Variants in NCOR2 observed in about 807,000 individuals in gnomAD.
NCOR2 encodes nuclear receptor corepressor 2, also known as CTG repeat protein 26.
In NCOR2, 81 loss-of-function variants were observed where a neutral mutation model predicts 262.9. The observed-to-expected ratio is 0.31, with a 90% CI of 0.26 to 0.37. The LOEUF (loss-of-function observed/expected upper bound fraction) is 0.37, where lower values mean the gene tolerates loss of function less well. Ranked by LOEUF, NCOR2 falls within the 10% of genes least tolerant of loss-of-function variation. The pLI is 1.00. For synonymous variants in NCOR2, 1,659 were observed against 1,559.3 expected, an observed-to-expected ratio of 1.06 and a Z score of -1.51; for missense variants, 3,385 against 3,621.4, an observed-to-expected ratio of 0.93 and a Z score of 1.68.
chr12:124,437,872 G>A (rs2044453012), intron 8 of NCOR2, 58 bp downstream of exon 10: 4 of 1,525,744 alleles, frequency 2.6e-6, no homozygotes, highest in African/African-American at 1.4e-5. Context: ...GGCCCCCTGT[G>A]CGCTCGATTC....
At chr12:124,373,349 G>T (rs544287284) in intron 19 of NCOR2, among the ~76,000 whole-genome samples, 1 of 60,278 alleles carries the variant, frequency 1.7e-5, no homozygotes, top group African/African-American at 4.4e-5. Flanking sequence ...AGGGGCCCCG[G>T]GCACAGTGGA....
Position 124,419,939 on chromosome 12 carries a change from C to A in NCOR2, c.1482+18G>T. 6.2e-7 allele frequency: 1 copy of A among 1,608,854 alleles called. No individual in the cohort carries two copies. The highest frequency in any genetic ancestry group is 8.5e-7 in the Non-Finnish European group (1 of 1,175,502). The stretch of plus-strand genomic sequence containing the variant: ...GCAGGGAGCCTGCAAGGACAGTCAC[C>A]CCCACCTTGCCTCTTACCTGGCTCT... On this transcript the variant is annotated intron_variant, in intron 13 of 46. Coordinates refer to ENST00000405201, the Ensembl canonical transcript of NCOR2.
intron 7 of NCOR2, among the ~76,000 whole-genome samples, chr12:124,448,114 C>T (rs2045296669): frequency 6.6e-6 from 1 of 152,178 alleles, no homozygotes; most frequent in Non-Finnish European, 1.5e-5. Context: ...TAGAACGGGA[C>T]CTGACACACA....
intron 3 of NCOR2, among the ~76,000 whole-genome samples, chr12:124,480,715 CA>C (rs2047407390): frequency 1.6e-4 from 25 of 151,940 alleles, no homozygotes; most frequent in Admixed American, 1.5e-3. Flanking sequence ...AAGAAATGGC[CA>C]CGGGCCAAGC....
intron 13 of NCOR2, among the ~76,000 whole-genome samples, chr12:124,415,479 C>G (rs555007889): frequency 2.4e-4 from 36 of 152,256 alleles, no homozygotes; most frequent in Non-Finnish European, 4.0e-4. Context: ...CTTGAGAACC[C>G]CTGTTTACCC....
chr12:124,465,309 C>G (rs2046364742), intron 5 of NCOR2, among the ~76,000 whole-genome samples: 1 of 152,078 alleles, frequency 6.6e-6, no homozygotes, highest in African/African-American at 2.4e-5. Flanking sequence ...TCCACAGATC[C>G]TGAGTACATT....
chr12:124,456,648 C>G (rs1328909944), intron 6 of NCOR2, among the ~76,000 whole-genome samples: 1 of 152,210 alleles, frequency 6.6e-6, no homozygotes, highest in Non-Finnish European at 1.5e-5. Context: ...TTAGGATTCC[C>G]ATTTTACAGA....
intron 38 of NCOR2, 193 bp downstream of exon 40, chr12:124,336,560 C>A: frequency 1.0e-6 from 1 of 966,776 alleles, no homozygotes; most frequent in Non-Finnish European, 1.2e-6. Flanking sequence ...ACAAAAAAAA[C>A]GGGGGCCAAA....
chr12:124,382,557 G>A (rs370488146), intron 17 of NCOR2, among the ~76,000 whole-genome samples: 5 of 152,124 alleles, frequency 3.3e-5, no homozygotes, highest in South Asian at 2.1e-4. Flanking sequence ...CACTTTCATC[G>A]ACACTAGGAC....
At position 124,389,787 on chromosome 12, in the gene NCOR2, C is replaced by T. The variant is rs2041151746; in HGVS notation, c.1877-3900G>A. Among the ~76,000 whole-genome samples, 1 of 152,226 alleles carries T rather than the reference C, an allele frequency of 6.6e-6. No homozygotes were observed. Among genetic ancestry groups the T allele is most frequent in the Non-Finnish European group, 1.5e-5 (1 of 68,042 alleles). On this transcript the variant is annotated intron_variant, in intron 16 of 46. Transcript: ENST00000405201. This position sits in a 1 kb window ranked among gnomAD's most constrained non-coding sequence, Gnocchi z 4.4. ...TTGGGGATTTGGGGTCCCCAAAGAGCCCTCTGCTGCTGGGGGGGTCTCGGG... is the reference window on the plus strand; with the variant it reads ...TTGGGGATTTGGGGTCCCCAAAGAGTCCTCTGCTGCTGGGGGGGTCTCGGG...
chr12:124,552,457 C>T (rs2051742522), intron 1 of NCOR2, among the ~76,000 whole-genome samples: 1 of 152,212 alleles, frequency 6.6e-6, no homozygotes, highest in South Asian at 2.1e-4. Context: ...ACTCTGTGCT[C>T]TTCAGCCACA....
At chr12:124,344,892 T>G in exon 32 of NCOR2, 1 of 1,581,280 alleles carries the variant, frequency 6.3e-7, no homozygotes, top group East Asian at 2.3e-5. Flanking sequence ...TGAGGGAGCG[T>G]ACGTCGTGCT....
intron 31 of NCOR2, among the ~76,000 whole-genome samples, chr12:124,345,958 A>G (rs779314994): frequency 6.6e-5 from 10 of 152,204 alleles, no homozygotes; most frequent in Middle Eastern, 3.4e-3. Context: ...TCCTCGTACC[A>G]TCGGCACGGA....
At chr12:124,475,599 C>T (rs1479746084) in intron 3 of NCOR2, among the ~76,000 whole-genome samples, 3 of 152,258 alleles carry the variant, frequency 2.0e-5, no homozygotes, top group Admixed American at 6.5e-5. Context: ...ATGGGCATGG[C>T]TGTGTGCCAA....
At chr12:124,501,048 G>A (rs1332991539) in intron 1 of NCOR2, among the ~76,000 whole-genome samples, 3 of 51,126 alleles carry the variant, frequency 5.9e-5, no homozygotes, top group African/African-American at 2.1e-4. Flanking sequence ...CGGCACGAGC[G>A]CGCGCGCACG....
rs760340995 is a variant in NCOR2 at position 124,356,598 on chromosome 12, T to C, written c.3241+44A>G. 5 of 1,402,962 alleles carry C rather than the reference T, an allele frequency of 3.6e-6. No homozygotes were observed. In the African/African-American group the frequency reaches 4.5e-5, roughly 13 times the overall value. The allele number at this position is 1,402,962 out of a possible 1,614,324, so 86.9% of individuals were successfully genotyped here. A position where few individuals can be genotyped will look rare whatever the true frequency, so the allele number is the denominator to read the frequency against. ...CAGTGCAAACAGTGCAAACAGCGAT[T>C]GTGCACTGGCTGAAGAAGCCCAAGC... On this transcript the variant is annotated intron_variant, in intron 23 of 46. Transcript: ENST00000405201.
intron 13 of NCOR2, among the ~76,000 whole-genome samples, chr12:124,402,821 T>G (rs114611290): frequency 0.036 from 5,434 of 152,134 alleles, 246 homozygotes; most frequent in African/African-American, 0.1. Flanking sequence ...GTGTCAGAAG[T>G]GCTGGCTTCA....
At chr12:124,525,929 C>T (rs2050443648) in intron 1 of NCOR2, among the ~76,000 whole-genome samples, 2 of 152,112 alleles carry the variant, frequency 1.3e-5, no homozygotes, top group African/African-American at 2.4e-5. Context: ...AGAGTACATG[C>T]GTGTATGTAT....
At chr12:124,340,888 G>A (rs1456277837) in intron 34 of NCOR2, 137 bp from the exon 37 acceptor site, 5 of 830,812 alleles carry the variant, frequency 6.0e-6, no homozygotes, top group East Asian at 3.3e-5. Context: ...CTCCCTCCTC[G>A]GCTCCCAGCA....
Sources: gnomAD v4.1 joint callset for allele counts (sites outside exome capture counted in the v4.1 genomes callset) on GRCh38, gnomAD v4.1.1 for gene constraint, Gnocchi (gnomAD v3.1) non-coding constraint, MANE v1.5 for transcripts, NCBI Gene and HGNC (gene_info 2026-07-23, HGNC 2026-07-21) for gene names.